PHF3: variants seen among roughly 807,000 people sequenced by gnomAD.
The protein encoded by PHF3 is PHD finger protein 3.
A neutral mutation model predicts 178.4 loss-of-function variants in PHF3; 41 were observed. The observed-to-expected ratio is 0.23, with a 90% CI of 0.18 to 0.30. The LOEUF (loss-of-function observed/expected upper bound fraction) is 0.30, where lower values mean the gene tolerates loss of function less well. PHF3 is among the 10% of genes least tolerant of loss of function. PHF3 has a pLI of 1.00. For missense variants in PHF3, 2,346 were observed against 2,398.1 expected (o/e 0.98, Z 0.45); for synonymous variants, 842 against 800.5 (o/e 1.05, Z -0.88).
At position 63,713,116 on chromosome 6, in the gene PHF3, C is replaced by G. The variant is rs1768035727; in HGVS notation, c.5528C>G (p.Pro1843Arg). The G allele has an allele frequency of 1.2e-6, 2 of 1,614,028 alleles. No individual in the cohort carries two copies. The highest frequency in any genetic ancestry group is 1.7e-6 in the Non-Finnish European group (2 of 1,179,962). Reference protein sequence around the residue: ...PHLPPPLLPPPGFGFAQNPMV... With the variant: ...PHLPPPLLPPRGFGFAQNPMV... Reference sequence around the variant, plus strand: ...TTGCCACCTCCATTACTTCCCCCTCCAGGCTTTGGCTTTGCTCAAAATCCC... The same window carrying G: ...TTGCCACCTCCATTACTTCCCCCTCGAGGCTTTGGCTTTGCTCAAAATCCC... The change falls in exon 16 of 16, where the codon CCA becomes CGA. Residue 1843 changes from proline to arginine, a missense_variant. Transcript: ENST00000262043.
At chr6:63,678,270 A>G (rs147928698) in intron 2 of PHF3, among the ~76,000 whole-genome samples, 452 of 152,120 alleles carry the variant, frequency 3.0e-3, no homozygotes, top group Middle Eastern at 0.014. Context: ...AACAGCAACA[A>G]AAACCTGAGG....
At chr6:63,679,834 G>T in intron 2 of PHF3, 166 bp from the exon 3 acceptor site, 1 of 670,788 alleles carries the variant, frequency 1.5e-6, no homozygotes, top group Admixed American at 2.0e-5. Flanking sequence ...ACTTGATTTG[G>T]GAGTTTGGTA....
chr6:63,657,198 AT>A (rs1215665357), intron 2 of PHF3, among the ~76,000 whole-genome samples: 1 of 152,130 alleles, frequency 6.6e-6, no homozygotes, highest in African/African-American at 2.4e-5. Context: ...TGGATATTTC[AT>A]TTTGACAAAT....
Position 63,646,806 on chromosome 6 carries a change from CTTTT to C in PHF3, c.244+30_244+33del, listed in dbSNP as rs11285703. 6,923 of 1,002,502 alleles carry C rather than the reference CTTTT, an allele frequency of 6.9e-3. No individual in the cohort carries two copies. The highest frequency in any genetic ancestry group is 0.01 in the East Asian group (257 of 25,486). 62.1% of individuals were successfully genotyped at this position (1,002,502 alleles called of 1,614,324 possible). A position where few individuals can be genotyped will look rare whatever the true frequency, so the allele number is the denominator to read the frequency against. On this transcript the variant is annotated intron_variant, in intron 2 of 15. Transcript: ENST00000262043. ...TGCCTTGTTCAACAGGTAATTCTTA[CTTTT>C]TTTTTTTTTTTTTTTTTTAGTCTGC...
rs763780380 is a variant in PHF3 at position 63,646,474 on chromosome 6, G to A, written c.-25-53G>A. ...CTATTAAAATAATTTGGTATTAGGT[G>A]ATTTTCAATTGATAGCTTTATTTCT... On this transcript the variant is annotated intron_variant, in intron 1 of 15. Transcript: ENST00000262043. The A allele has an allele frequency of 3.6e-4, 470 of 1,316,546 alleles. 1 individual carries two copies. The highest frequency in any genetic ancestry group is 4.4e-4 in the Non-Finnish European group (427 of 970,730). The allele number at this position is 1,316,546 out of a possible 1,614,324, so 81.6% of individuals were successfully genotyped here.
intron 5 of PHF3, among the ~76,000 whole-genome samples, chr6:63,693,063 CT>C (rs1399520952): frequency 6.6e-6 from 1 of 152,084 alleles, no homozygotes; most frequent in Non-Finnish European, 1.5e-5. Flanking sequence ...TCTGTCAAGA[CT>C]TTTTGAAAAT....
At chr6:63,676,884 G>T (rs1161348180) in intron 2 of PHF3, among the ~76,000 whole-genome samples, 3 of 152,174 alleles carry the variant, frequency 2.0e-5, no homozygotes, top group Non-Finnish European at 4.4e-5. Context: ...TGTGATTTGG[G>T]AGTAGCATGT....
At chr6:63,687,996 A>T (rs1012500352) in intron 4 of PHF3, among the ~76,000 whole-genome samples, 3 of 151,940 alleles carry the variant, frequency 2.0e-5, no homozygotes, top group Non-Finnish European at 4.4e-5. Flanking sequence ...CTTCCTGGCT[A>T]ACACGGTGAA....
chr6:63,721,621 C>A lies in PHF3; in HGVS notation c.*7913C>A, dbSNP rs1186708771. The A allele has an allele frequency of 3.2e-6, 5 of 1,551,134 alleles. No homozygotes were observed. Among genetic ancestry groups the A allele is most frequent in the Middle Eastern group, 1.7e-4 (1 of 6,014 alleles). On this transcript the variant is annotated 3_prime_UTR_variant, in exon 16 of 16. Transcript: ENST00000262043. ...ATTTTAGTGGAGGCCTTTTCTGTTA[C>A]ATTTATCCCATCTAGATCCAGGTAG...
At chr6:63,694,940 C>T (rs1299677797) in intron 6 of PHF3, among the ~76,000 whole-genome samples, 176 bp downstream of exon 6, 1 of 152,054 alleles carries the variant, frequency 6.6e-6, no homozygotes, top group Non-Finnish European at 1.5e-5. Context: ...AAAACTTGCT[C>T]TAAATTCTGG....
rs773873910 is a variant in PHF3 at position 63,685,719 on chromosome 6, C to T, written c.1997C>T (p.Pro666Leu). 6.2e-7 allele frequency: 1 copy of T among 1,613,990 alleles called. No individual in the cohort carries two copies. Among genetic ancestry groups the T allele is most frequent in the South Asian group, 1.1e-5 (1 of 91,080 alleles). Residue 666 changes from proline to leucine, a missense_variant, in exon 4 of 16, where the codon CCT becomes CTT. This residue lies in a region of PHF3 where 843 missense variants were observed against 795.2 expected (regional missense o/e 1.06). Transcript: ENST00000262043. ...KEEDKLKLKK[P>L]EKNLQPRQRR... ...GAGGATAAACTGAAACTGAAAAAAC[C>T]TGAGAAGAACCTACAACCCCGCCAA... is the stretch of plus-strand genomic sequence containing the variant.
chr6:63,706,347 C>T, intron 12 of PHF3, 123 bp downstream of exon 12: 1 of 669,236 alleles, frequency 1.5e-6, no homozygotes, highest in Non-Finnish European at 2.4e-6. Context: ...AATAACTGTA[C>T]TTTCCTGTAC....
At chr6:63,653,001 T>G (rs1765080863) in intron 2 of PHF3, among the ~76,000 whole-genome samples, 1 of 151,012 alleles carries the variant, frequency 6.6e-6, no homozygotes, top group Non-Finnish European at 1.5e-5. Flanking sequence ...TATTTTTTGC[T>G]CAGGATTATG....
chr6:63,672,795 G>T (rs540902398), intron 2 of PHF3, among the ~76,000 whole-genome samples: 16 of 152,262 alleles, frequency 1.1e-4, no homozygotes, highest in African/African-American at 3.6e-4. Flanking sequence ...CTGAGTATTG[G>T]TCAATCCCAG....
intron 2 of PHF3, among the ~76,000 whole-genome samples, chr6:63,659,268 A>T (rs750697995): frequency 3.0e-4 from 45 of 152,354 alleles, no homozygotes; most frequent in Admixed American, 7.8e-4. Flanking sequence ...TCAACTAAAT[A>T]ATTAAAAAAT....
In PHF3 at chr6:63,703,597, T is replaced by C; in HGVS notation, c.3293T>C (p.Val1098Ala). 6.2e-7 allele frequency: 1 copy of C among 1,612,240 alleles called. No individual in the cohort carries two copies. Residue 1098 changes from valine (V) to alanine (A), a missense_variant, in exon 11 of 16, where the codon GTT becomes GCT. Val to Ala is a moderately conservative substitution (Grantham distance 64). Around this residue, in one of 8 missense-constraint regions of PHF3, gnomAD observed 205 missense variants for 212.4 expected, o/e 0.97. Coordinates refer to ENST00000262043, the MANE Select transcript of PHF3 (RefSeq NM_001370348.2). ...GGATCTGAAAAACAAAAAGAGGAGG[T>C]TGACTCTATGTCTAAAGATACCACT... ...PEGSEKQKEE[V>A]DSMSKDTTSQ...
In PHF3 at chr6:63,706,812, C is replaced by A. The variant is rs755313781; in HGVS notation, c.3647C>A (p.Pro1216His). Residue 1216 changes from proline to histidine, a missense_variant, in exon 13 of 16, where the codon CCT (proline) becomes CAT (histidine). By Grantham distance (77) the Pro-to-His change is moderately conservative (BLOSUM62 -2). Coordinates refer to ENST00000262043, the MANE Select transcript of PHF3 (RefSeq NM_001370348.2). Reference sequence around the variant, plus strand: ...ATCTGGAAAGGTTTTATCAACATGCCTTCTGTGGCAAAATTTGTTACCAAA... The same window carrying A: ...ATCTGGAAAGGTTTTATCAACATGCATTCTGTGGCAAAATTTGTTACCAAA... ...NFIWKGFINMPSVAKFVTKAY... is the reference protein window; with the variant it reads ...NFIWKGFINMHSVAKFVTKAY... 1 of 1,614,004 alleles carries A rather than the reference C, an allele frequency of 6.2e-7. No individual in the cohort carries two copies. Among genetic ancestry groups the A allele is most frequent in the Non-Finnish European group, 8.5e-7 (1 of 1,179,926 alleles).
rs769617328 is a variant in PHF3, at chr6:63,712,668, C to A, written c.5080C>A (p.Gln1694Lys). The A allele has an allele frequency of 4.0e-5, 64 of 1,613,722 alleles. No homozygotes were observed. The highest frequency in any genetic ancestry group is 5.3e-5 in the Non-Finnish European group (63 of 1,179,942). ...LSHNKEHLTE[Q>K]INVEEKLCSA... Reference sequence around the variant, plus strand: ...ACACAACAAGGAGCACTTAACAGAACAAATCAATGTAGAGGAAAAGTTGTG... The same window carrying A: ...ACACAACAAGGAGCACTTAACAGAAAAAATCAATGTAGAGGAAAAGTTGTG... The change falls in exon 16 of 16, where the codon CAA (glutamine) becomes AAA (lysine). Residue 1694 changes from glutamine (Q) to lysine (K), a missense_variant. Gln to Lys is a moderately conservative substitution (Grantham distance 53, BLOSUM62 1). Around this residue, in one of 8 missense-constraint regions of PHF3, gnomAD observed 839 missense variants for 806.9 expected, o/e 1.04. Transcript: ENST00000262043.
intron 1 of PHF3, among the ~76,000 whole-genome samples, chr6:63,643,649 T>G (rs1405369997): frequency 6.6e-6 from 1 of 152,202 alleles, no homozygotes; most frequent in Non-Finnish European, 1.5e-5. Context: ...ACGGTATTGT[T>G]AAAGAAACAT....
Sources: gnomAD v4.1 joint callset for allele counts (sites outside exome capture counted in the v4.1 genomes callset) on GRCh38, gnomAD v4.1.1 for gene constraint, gnomAD v4.1.1 regional missense constraint, MANE v1.5 for transcripts, NCBI Gene and HGNC (gene_info 2026-07-23, HGNC 2026-07-21) for gene names.